Variants in CCDC3 observed in about 807,000 individuals in gnomAD.
CCDC3 encodes coiled-coil domain-containing protein 3.
CCDC3 carries 24 observed loss-of-function variants against 21.4 expected under a neutral mutation model. The observed-to-expected ratio is 1.12, with a 90% CI of 0.81 to 1.58. The LOEUF is 1.58. Ranked by LOEUF, CCDC3 falls within the 40% of genes most tolerant of loss-of-function variation. CCDC3 has a pLI of 0.00. For missense variants in CCDC3, 425 were observed against 360.9 expected (o/e 1.18, Z -1.44); for synonymous variants, 186 against 166.0 (o/e 1.12, Z -0.93).
intron 2 of CCDC3, among the ~76,000 whole-genome samples, chr10:12,937,089 A>G (rs1834751064): frequency 6.8e-6 from 1 of 147,294 alleles, no homozygotes; most frequent in South Asian, 2.2e-4. Flanking sequence ...GGGCCGGCCA[A>G]TGGCTGGGTC....
At chr10:13,034,802 A>AT (rs1345921879) in intron 5 of CCDC3, among the ~76,000 whole-genome samples, 1 of 152,128 alleles carries the variant, frequency 6.6e-6, no homozygotes, top group Non-Finnish European at 1.5e-5. Flanking sequence ...AAGTGGGTGG[A>AT]TTGCTTGAGG....
intron 2 of CCDC3, among the ~76,000 whole-genome samples, chr10:12,970,213 T>A (rs1175326001): frequency 6.6e-6 from 1 of 152,096 alleles, no homozygotes; most frequent in African/African-American, 2.4e-5. Flanking sequence ...GACGCAAAAT[T>A]TCAGTTACAC....
intron 2 of CCDC3, among the ~76,000 whole-genome samples, chr10:12,939,306 G>A (rs551046927): frequency 2.0e-5 from 3 of 152,146 alleles, no homozygotes; most frequent in African/African-American, 2.4e-5. Flanking sequence ...TAAGCTGCAC[G>A]AGAAGAAATC....
intron 2 of CCDC3, among the ~76,000 whole-genome samples, chr10:12,911,302 T>C (rs538730144): frequency 6.6e-6 from 1 of 152,216 alleles, no homozygotes; most frequent in Admixed American, 6.5e-5. Context: ...ACTCTATCTC[T>C]GGTTTTTACT....
At chr10:13,037,800 T>C (rs1221975612) in intron 5 of CCDC3, among the ~76,000 whole-genome samples, 1 of 152,090 alleles carries the variant, frequency 6.6e-6, no homozygotes, top group African/African-American at 2.4e-5. Context: ...TGAGATCCCA[T>C]CTCTAAAACA....
chr10:12,941,891 T>C (rs767557024), intron 2 of CCDC3, among the ~76,000 whole-genome samples: 3 of 152,166 alleles, frequency 2.0e-5, no homozygotes, highest in African/African-American at 4.8e-5. Flanking sequence ...GCACCAGGAA[T>C]AGGAGGAGGA....
intron 3 of CCDC3, among the ~76,000 whole-genome samples, chr10:13,096,103 TTTCC>T (rs145259198): frequency 0.012 from 1,848 of 151,630 alleles, 32 homozygotes; most frequent in East Asian, 0.058. Flanking sequence ...TTTCTTTTCT[TTTCC>T]TTCCTTCCTT....
At chr10:12,922,403 C>G (rs1440998516) in intron 2 of CCDC3, among the ~76,000 whole-genome samples, 7 of 152,126 alleles carry the variant, frequency 4.6e-5, no homozygotes, top group African/African-American at 1.7e-4. Context: ...TTTGGAACCA[C>G]TTGCATGAGT....
At chr10:13,039,333 GA>G (rs763699533) in intron 5 of CCDC3, among the ~76,000 whole-genome samples, 4 of 151,632 alleles carry the variant, frequency 2.6e-5, no homozygotes, top group Admixed American at 6.6e-5. Context: ...TGAGGCAGGA[GA>G]ACCACTTGAA....
intron 5 of CCDC3, among the ~76,000 whole-genome samples, chr10:13,044,128 A>G (rs1022604257): frequency 1.3e-5 from 2 of 150,772 alleles, no homozygotes; most frequent in African/African-American, 4.8e-5. Flanking sequence ...CCATTTTTTC[A>G]TATGTTTGTT....
intron 2 of CCDC3, among the ~76,000 whole-genome samples, chr10:13,098,781 A>G (rs61851420): frequency 0.21 from 28,022 of 131,324 alleles, 3,139 homozygotes; most frequent in Middle Eastern, 0.34. Flanking sequence ...CAGTGGCATG[A>G]TCTCGGCTCG....
At chr10:13,061,498 A>G (rs1185181975) in intron 4 of CCDC3, among the ~76,000 whole-genome samples, 1 of 152,212 alleles carries the variant, frequency 6.6e-6, no homozygotes, top group Non-Finnish European at 1.5e-5. Flanking sequence ...CCAAATATGA[A>G]TGACCATGGC....
chr10:13,093,700 C>A (rs1431019567), intron 3 of CCDC3, among the ~76,000 whole-genome samples: 1 of 151,998 alleles, frequency 6.6e-6, no homozygotes, highest in African/African-American at 2.4e-5. Flanking sequence ...TAGCCTGATA[C>A]CCAGGTCTCT....
intron 5 of CCDC3, among the ~76,000 whole-genome samples, chr10:13,018,807 G>T (rs1836106073): frequency 6.6e-6 from 1 of 151,818 alleles, no homozygotes; most frequent in Non-Finnish European, 1.5e-5. Flanking sequence ...GGTGGTGAGT[G>T]CTTCTAATCT....
At chr10:12,950,265 A>T (rs1278724483) in intron 2 of CCDC3, among the ~76,000 whole-genome samples, 2 of 152,234 alleles carry the variant, frequency 1.3e-5, no homozygotes, top group Non-Finnish European at 2.9e-5. Flanking sequence ...TATTGAATGC[A>T]TGAATAACTA....
chr10:13,001,111 G>C, intron 1 of CCDC3, 86 bp downstream of exon 1: 2 of 1,462,688 alleles, frequency 1.4e-6, no homozygotes, highest in Non-Finnish European at 1.8e-6. Flanking sequence ...GCTGCCCGGG[G>C]AGTTACCGGC....
rs544748586 is a variant in CCDC3 at position 13,000,918 on chromosome 10, AG to A, written c.374+278del. On this transcript the variant is annotated intron_variant, in intron 1 of 2. Transcript: ENST00000378825. Reference sequence around the variant, plus strand: ...AAACCCAAGTCAAAGGGACTGTTGGAGGGCGCTTTGAGCTTCTGTCTGCAAT... The same window carrying A: ...AAACCCAAGTCAAAGGGACTGTTGGAGGCGCTTTGAGCTTCTGTCTGCAAT... Among the ~76,000 whole-genome samples the A allele has an allele frequency of 2.2e-4, 34 of 152,304 alleles. 1 individual carries two copies. The South Asian group carries it at 7.0e-3, about 32-fold the overall frequency.
At chr10:12,912,940 G>A (rs1036053831) in intron 2 of CCDC3, among the ~76,000 whole-genome samples, 37 of 152,196 alleles carry the variant, frequency 2.4e-4, no homozygotes, top group Admixed American at 9.2e-4. Flanking sequence ...ATTTCTTGGC[G>A]CTCTATTCTG....
At chr10:12,953,842 G>A (rs1381190727) in intron 2 of CCDC3, among the ~76,000 whole-genome samples, 1 of 152,206 alleles carries the variant, frequency 6.6e-6, no homozygotes, top group South Asian at 2.1e-4. Context: ...GTCTAGAACA[G>A]GCACTGGCAA....
Sources: allele counts gnomAD v4.1 joint callset (sites outside exome capture counted in the v4.1 genomes callset), GRCh38; gene constraint gnomAD v4.1.1; transcripts MANE v1.5; gene names NCBI Gene and HGNC (gene_info 2026-07-23, HGNC 2026-07-21).